The following LINS1 variants were observed in gnomAD, a reference collection of about 807,000 sequenced individuals.
LINS1 encodes lines homolog 1.
LINS1 carries 27 observed loss-of-function variants against 41.6 expected under a neutral mutation model. The observed-to-expected ratio is 0.65, with a 90% CI of 0.48 to 0.89. The LOEUF (loss-of-function observed/expected upper bound fraction) is 0.89. LINS1 is among the 40% of genes least tolerant of loss of function. The pLI is 0.00. For missense variants in LINS1, 955 were observed against 884.1 expected, an observed-to-expected ratio of 1.08 and a Z score of -1.02; for synonymous variants, 336 against 312.9, an observed-to-expected ratio of 1.07 and a Z score of -0.78.
At position 100,580,910 on chromosome 15, in the gene LINS1, G is replaced by C. The variant is rs995627750; in HGVS notation, c.-68C>G. 1.4e-6 allele frequency: 2 copies of C among 1,410,554 alleles called. No individual in the cohort carries two copies. Among genetic ancestry groups the C allele is most frequent in the Non-Finnish European group, 2.0e-6 (2 of 1,023,622 alleles). 87.4% of individuals were successfully genotyped at this position (1,410,554 alleles called of 1,614,324 possible). A position where few individuals can be genotyped will look rare whatever the true frequency, so the allele number is the denominator to read the frequency against. Reference sequence around the variant, plus strand: ...AAGTTGTAAACATTAAATCTCAGAAGTGCAATGAATCTCTAAGAAGTTTCT... The same window carrying C: ...AAGTTGTAAACATTAAATCTCAGAACTGCAATGAATCTCTAAGAAGTTTCT... On this transcript the variant is annotated 5_prime_UTR_variant, in exon 2 of 7. Transcript: ENST00000314742.
intron 3 of LINS1, among the ~76,000 whole-genome samples, chr15:100,575,461 CAAG>C (rs1474005166): frequency 6.6e-6 from 1 of 152,180 alleles, no homozygotes; most frequent in African/African-American, 2.4e-5. Context: ...ATCAATTCAA[CAAG>C]AAGAGCTAAC....
chr15:100,580,310 C>T lies in LINS1; in HGVS notation c.442G>A (p.Ala148Thr), dbSNP rs553006408. The change falls in exon 3 of 7, where the codon GCT becomes ACT. Residue 148 changes from alanine to threonine, a missense_variant. By Grantham distance (58) the Ala-to-Thr change is moderately conservative. Coordinates refer to ENST00000314742, the MANE Select transcript of LINS1 (RefSeq NM_001040616.3). ...QNSDKLLSHM[A>T]AQCLALLLYF... ...AGAAGCAATGCAAGGCACTGTGCAGCCATGTGAGATAACAATTTATCTGAA... is the reference window on the plus strand; with the variant it reads ...AGAAGCAATGCAAGGCACTGTGCAGTCATGTGAGATAACAATTTATCTGAA... 2 of 1,612,968 alleles carry T rather than the reference C, an allele frequency of 1.2e-6. No homozygotes were observed. The highest frequency in any genetic ancestry group is 2.2e-5 in the East Asian group (1 of 44,832).
chr15:100,591,943 T>C (rs1357672948), intron 1 of LINS1, among the ~76,000 whole-genome samples: 3 of 152,264 alleles, frequency 2.0e-5, no homozygotes, highest in East Asian at 3.9e-4. Flanking sequence ...TGAGACAGAA[T>C]AGGGTCTGGA....
At chr15:100,600,841 C>A (rs1466926434) in intron 1 of LINS1, among the ~76,000 whole-genome samples, 1 of 152,244 alleles carries the variant, frequency 6.6e-6, no homozygotes, top group East Asian at 1.9e-4. Context: ...TCCAGGCCCA[C>A]CCTACACCCA....
At chr15:100,591,377 T>C (rs1438357391) in intron 1 of LINS1, among the ~76,000 whole-genome samples, 1 of 152,034 alleles carries the variant, frequency 6.6e-6, no homozygotes, top group African/African-American at 2.4e-5. Context: ...AAACCCAAAA[T>C]GAAGGTAACT....
At chr15:100,572,471 C>T in intron 5 of LINS1, 1 of 1,059,970 alleles carries the variant, frequency 9.4e-7, no homozygotes. Flanking sequence ...TTCAAAATAA[C>T]AGAAAAACAT....
At chr15:100,590,721 T>C (rs58305984) in intron 1 of LINS1, among the ~76,000 whole-genome samples, 31,395 of 152,110 alleles carry the variant, frequency 0.21, 3,744 homozygotes, top group African/African-American at 0.31. Context: ...ATGAAAAGTA[T>C]AGAGATTCAT....
intron 4 of LINS1, 28 bp downstream of exon 4, chr15:100,574,959 A>T (rs2038072971): frequency 6.2e-7 from 1 of 1,608,612 alleles, no homozygotes; most frequent in Non-Finnish European, 8.5e-7. Flanking sequence ...CAAGATGATG[A>T]TTGTTTATGG....
intron 3 of LINS1, among the ~76,000 whole-genome samples, chr15:100,575,678 T>G (rs1279604625): frequency 2.0e-5 from 3 of 152,218 alleles, no homozygotes; most frequent in Non-Finnish European, 4.4e-5. Flanking sequence ...GCAGACCTAA[T>G]AGACATCTAC....
Position 100,574,132 on chromosome 15 carries a change from G to A in LINS1, c.741C>T (p.Asn247=). 8 of 1,613,830 alleles carry A rather than the reference G, an allele frequency of 5.0e-6. No homozygotes were observed. Among genetic ancestry groups the A allele is most frequent in the Non-Finnish European group, 6.8e-6 (8 of 1,179,690 alleles). Residue 247 remains asparagine, a synonymous_variant, in exon 5 of 7, where the codon AAC becomes AAT. Coordinates refer to ENST00000314742, the MANE Select transcript of LINS1 (RefSeq NM_001040616.3). ...ENCRDTSKIV[N]ILMCFLDLLE... is the part of the protein sequence containing the mutation. ...GCAAATCCAGGAAACACATCAGGAT[G>A]TTTACTATTTTAGAAGTATCCCGGC...
chr15:100,569,813 G>C lies in LINS1; in HGVS notation c.1699C>G (p.Gln567Glu). ...CGCVPSLVQD[Q>E]SSNQTIPHRL... is the part of the protein sequence containing the mutation. ...TGGGGTATTGTTTGGTTGGAGCTTTGGTCTTGGACAAGTGAGGGGACACAG... is the reference window on the plus strand; with the variant it reads ...TGGGGTATTGTTTGGTTGGAGCTTTCGTCTTGGACAAGTGAGGGGACACAG... Residue 567 changes from glutamine (Q) to glutamate (E), a missense_variant, in exon 7 of 7, where the codon CAA (glutamine) becomes GAA (glutamate). Coordinates refer to ENST00000314742, the MANE Select transcript of LINS1 (RefSeq NM_001040616.3). 2 of 1,614,092 alleles carry C rather than the reference G, an allele frequency of 1.2e-6. No individual in the cohort carries two copies. Among genetic ancestry groups the C allele is most frequent in the Non-Finnish European group, 8.5e-7 (1 of 1,180,010 alleles).
intron 6 of LINS1, 91 bp downstream of exon 6, chr15:100,571,803 A>G: frequency 6.9e-7 from 1 of 1,453,462 alleles, no homozygotes. Context: ...CCAAATGATG[A>G]AAGTAAGCAA....
intron 3 of LINS1, 119 bp downstream of exon 3, chr15:100,580,144 G>A: frequency 2.5e-6 from 2 of 788,444 alleles, no homozygotes; most frequent in Admixed American, 2.3e-5. Context: ...AGGATTGCTT[G>A]AGCCCAGAAG....
At position 100,569,653 on chromosome 15, in the gene LINS1, G is replaced by C; in HGVS notation, c.1859C>G (p.Pro620Arg). The C allele has an allele frequency of 6.2e-7, 1 of 1,613,406 alleles. No homozygotes were observed. The highest frequency in any genetic ancestry group is 8.5e-7 in the Non-Finnish European group (1 of 1,179,466). ...HTMCASSLSS[P>R]RASQSLVDYD... is the part of the protein sequence containing the mutation. ...ATCTACCAGACTTTGAGAGGCCCGG[G>C]GGGAAGACAGACTAGAAGCACACAT... Residue 620 changes from proline to arginine, a missense_variant, in exon 7 of 7, where the codon CCC (proline) becomes CGC (arginine). By Grantham distance (103) the Pro-to-Arg change is moderately radical. Transcript: ENST00000314742.
intron 4 of LINS1, among the ~76,000 whole-genome samples, chr15:100,574,637 G>C (rs533505877): frequency 6.6e-6 from 1 of 152,308 alleles, no homozygotes; most frequent in Non-Finnish European, 1.5e-5. Context: ...GAACTCGCAA[G>C]GCAGGGGTTG....
At chr15:100,577,928 A>G (rs1203055302) in intron 3 of LINS1, among the ~76,000 whole-genome samples, 2 of 152,238 alleles carry the variant, frequency 1.3e-5, no homozygotes, top group African/African-American at 2.4e-5. Flanking sequence ...TGGGGAAAGG[A>G]TTCCCTATTT....
intron 1 of LINS1, among the ~76,000 whole-genome samples, chr15:100,597,341 T>C (rs2039294422): frequency 6.6e-6 from 1 of 151,514 alleles, no homozygotes; most frequent in Admixed American, 6.6e-5. Context: ...CTAGAAAAAA[T>C]CTCAAGAGAT....
rs74039441 is a variant in LINS1 at position 100,594,796 on chromosome 15, T to C, written c.-104+7325A>G. The stretch of plus-strand genomic sequence containing the variant: ...CACCCCATCCTGTAGCCAAAATTTT[T>C]CCCCAATTCCCTAAATATTTTTGAT... On this transcript the variant is annotated intron_variant, in intron 1 of 6. Coordinates refer to ENST00000314742, the MANE Select transcript of LINS1 (RefSeq NM_001040616.3). 2.0e-3 allele frequency among the ~76,000 whole-genome samples: 297 copies of C among 152,228 alleles called. 2 individuals are homozygous for C. The highest frequency in any genetic ancestry group is 6.5e-3 in the African/African-American group (270 of 41,532).
At position 100,573,793 on chromosome 15, in the gene LINS1, G is replaced by C; in HGVS notation, c.1080C>G (p.Ser360=). Residue 360 remains serine (S), a synonymous_variant, in exon 5 of 7, where the codon TCC becomes TCG. Transcript: ENST00000314742. ...GTTGAACTTCATCACCTCCAAAAAA[G>C]GAATGTTTTTCATAAACAGACAGTG... ...LKTLSVYEKH[S]FFGGDEVQPE... is the part of the protein sequence containing the mutation. 6.2e-7 allele frequency: 1 copy of C among 1,614,142 alleles called. No individual in the cohort carries two copies. Among genetic ancestry groups the C allele is most frequent in the Non-Finnish European group, 8.5e-7 (1 of 1,180,028 alleles).
Sources: gnomAD v4.1 joint callset for allele counts (sites outside exome capture counted in the v4.1 genomes callset) on GRCh38, gnomAD v4.1.1 for gene constraint, MANE v1.5 for transcripts, NCBI Gene and HGNC (gene_info 2026-07-23, HGNC 2026-07-21) for gene names.